The following HOXD13 variants were observed in gnomAD, a reference collection of about 807,000 sequenced individuals.
HOXD13 encodes the protein homeobox protein Hox-D13.
Under a neutral mutation model 27.3 loss-of-function variants are expected in HOXD13, and 16 were observed. The observed-to-expected ratio is 0.59, with a 90% CI of 0.40 to 0.89. HOXD13 has a LOEUF of 0.89. Ranked by LOEUF, HOXD13 falls within the 40% of genes least tolerant of loss-of-function variation. HOXD13 has a pLI of 0.00. For missense variants in HOXD13, 481 were observed against 482.6 expected (o/e 1.00, Z 0.03); for synonymous variants, 241 against 219.0 (o/e 1.10, Z -0.89).
At chr2:176,090,043 C>T (rs1399951957), upstream of HOXD13, among the ~76,000 whole-genome samples, 1 of 152,208 alleles carries the variant, frequency 6.6e-6, no homozygotes, top group Non-Finnish European at 1.5e-5. Context: ...ACCTGGCATC[C>T]CTGGCTTGTA....
the HOXD13 span, among the ~76,000 whole-genome samples, chr2:176,087,575 A>G: frequency 1.3e-5 from 2 of 152,184 alleles, no homozygotes; most frequent in Non-Finnish European, 2.9e-5. Context: ...TTTTTGATGA[A>G]ATACCCAAAC....
chr2:176,090,644 G>C (rs1481730351), upstream of HOXD13, among the ~76,000 whole-genome samples: 1 of 152,292 alleles, frequency 6.6e-6, no homozygotes, highest in East Asian at 1.9e-4. Flanking sequence ...CTGAAAGTTT[G>C]TTGGTTCTAC....
At chr2:176,093,704 G>A (rs1157103045) in intron 1 of HOXD13, 33 bp downstream of exon 1, 2 of 1,393,244 alleles carry the variant, frequency 1.4e-6, no homozygotes, top group Non-Finnish European at 2.0e-6. Flanking sequence ...ACCGACACGA[G>A]GGAGGGGGAG....
chr2:176,095,160 A>G lies in HOXD13; in HGVS notation c.*430A>G, dbSNP rs1303322561. 7.3e-6 allele frequency: 2 copies of G among 275,554 alleles called. No homozygotes were observed. Among genetic ancestry groups the G allele is most frequent in the African/African-American group, 4.4e-5 (2 of 45,558 alleles). The allele number at this position is 275,554 out of a possible 1,614,324, so 17.1% of individuals were successfully genotyped here. On this transcript the variant is annotated 3_prime_UTR_variant, in exon 2 of 2. Transcript: ENST00000392539. ...AATCCATTAGGACAGAATGGTTTTC[A>G]GTCGTTCATATCCTGTAATTAGGTA...
intron 1 of HOXD13, among the ~76,000 whole-genome samples, chr2:176,094,013 T>C (rs1455246148): frequency 1.3e-5 from 2 of 152,176 alleles, no homozygotes; most frequent in East Asian, 1.9e-4. Context: ...GTCCCCCCAT[T>C]TTCAAAGACA....
chr2:176,091,495 A>C (rs1183777765), upstream of HOXD13, among the ~76,000 whole-genome samples: 4 of 152,104 alleles, frequency 2.6e-5, no homozygotes, highest in East Asian at 7.7e-4. Context: ...GAGGCTGAGG[A>C]GCAACAGAAA....
At chr2:176,090,323 A>T (rs1243512809), upstream of HOXD13, among the ~76,000 whole-genome samples, 1 of 152,262 alleles carries the variant, frequency 6.6e-6, no homozygotes, top group African/African-American at 2.4e-5. Context: ...TAGGATGGAC[A>T]GAGAAAACTT....
At position 176,093,094 on chromosome 2, in the gene HOXD13, G is replaced by GGCGGCA. The variant is rs775525473; in HGVS notation, c.207_212dup (p.Ala70_Ala71dup). On this transcript the variant is annotated inframe_insertion, in exon 1 of 2. Coordinates refer to ENST00000392539, the MANE Select transcript of HOXD13 (RefSeq NM_000523.4). Reference sequence around the variant, plus strand: ...CGGCAGCGGCGGCTGCGGCGGCGGCGGCGGCAGCCTCCGGCTTTGCGTACC... The same window carrying GGCGGCA: ...CGGCAGCGGCGGCTGCGGCGGCGGCGGCGGCAGCGGCAGCCTCCGGCTTTGCGTACC... The GGCGGCA allele has an allele frequency of 1.2e-4, 178 of 1,426,172 alleles. No individual in the cohort carries two copies. The Middle Eastern group carries it at 1.6e-3, about 12-fold the overall frequency. The allele number at this position is 1,426,172 out of a possible 1,614,324, so 88.3% of individuals were successfully genotyped here.
chr2:176,091,000 C>T (rs1689310852), upstream of HOXD13, among the ~76,000 whole-genome samples: 1 of 152,328 alleles, frequency 6.6e-6, no homozygotes, highest in East Asian at 1.9e-4. Context: ...AGGCCCCTCC[C>T]ATCTCAAATT....
In HOXD13 at chr2:176,095,756, A is replaced by G. The variant is rs1317708046; in HGVS notation, c.*1026A>G. 4.5e-6 allele frequency: 1 copy of G among 221,954 alleles called. No homozygotes were observed. Among genetic ancestry groups the G allele is most frequent in the African/African-American group, 2.2e-5 (1 of 44,708 alleles). 13.7% of individuals were successfully genotyped at this position (221,954 alleles called of 1,614,324 possible). ...GAAGTTCCAAGGTCCAAGAAGAAAA[A>G]TAATGATGTTTCTGAAAGTGATGAT... On this transcript the variant is annotated 3_prime_UTR_variant, in exon 2 of 2. Coordinates refer to ENST00000392539, the MANE Select transcript of HOXD13 (RefSeq NM_000523.4).
chr2:176,088,939 A>G (rs979614681), upstream of HOXD13, among the ~76,000 whole-genome samples: 1 of 152,136 alleles, frequency 6.6e-6, no homozygotes, highest in Non-Finnish European at 1.5e-5. Flanking sequence ...ACTGTGTTTA[A>G]TTTTTTCCAA....
upstream of HOXD13, among the ~76,000 whole-genome samples, chr2:176,089,193 G>A (rs555036809): frequency 1.3e-5 from 2 of 151,686 alleles, no homozygotes; most frequent in African/African-American, 4.9e-5. Flanking sequence ...TTCACAATAG[G>A]TTTGGTTTGT....
upstream of HOXD13, among the ~76,000 whole-genome samples, chr2:176,088,253 A>T (rs553526094): frequency 1.3e-5 from 2 of 152,358 alleles, no homozygotes; most frequent in South Asian, 4.1e-4. Context: ...GAAGACTCAG[A>T]TTTCGAGCCC....
chr2:176,092,650 C>T (rs1210995678), upstream of HOXD13, among the ~76,000 whole-genome samples: 1 of 152,052 alleles, frequency 6.6e-6, no homozygotes, highest in Non-Finnish European at 1.5e-5. Flanking sequence ...CGGGAGGCGG[C>T]CCCCCGACCG....
chr2:176,094,816 TC>T lies in HOXD13; in HGVS notation c.*92del. On this transcript the variant is annotated 3_prime_UTR_variant, in exon 2 of 2. Transcript: ENST00000392539. Reference sequence around the variant, plus strand: ...GGAAAGACTTGAATATGTATTTAATTCCCCCCACCCCCTGCCAATGGTGGCA... The same window carrying T: ...GGAAAGACTTGAATATGTATTTAATTCCCCCACCCCCTGCCAATGGTGGCA... 3 of 1,222,698 alleles carry T rather than the reference TC, an allele frequency of 2.5e-6. No individual in the cohort carries two copies. The highest frequency in any genetic ancestry group is 3.6e-6 in the Non-Finnish European group (3 of 827,566). The allele number at this position is 1,222,698 out of a possible 1,614,324, so 75.7% of individuals were successfully genotyped here.
upstream of HOXD13, among the ~76,000 whole-genome samples, chr2:176,090,325 A>G (rs1689300823): frequency 6.6e-6 from 1 of 152,260 alleles, no homozygotes; most frequent in South Asian, 2.1e-4. Context: ...GGATGGACAG[A>G]GAAAACTTTT....
In HOXD13 at chr2:176,092,822, G is replaced by A. The variant is rs1208243964; in HGVS notation, c.-69G>A. ...AACCAGAGAGAAAGGAGAGGAGGGA[G>A]GAGGCGCGCCGCGCCATGGTGTCCT... On this transcript the variant is annotated 5_prime_UTR_variant, in exon 1 of 2. Transcript: ENST00000392539. The A allele has an allele frequency of 4.0e-6, 4 of 1,011,596 alleles. No homozygotes were observed. The highest frequency in any genetic ancestry group is 5.0e-6 in the Non-Finnish European group (4 of 794,492). 62.7% of individuals were successfully genotyped at this position (1,011,596 alleles called of 1,614,324 possible). A position where few individuals can be genotyped will look rare whatever the true frequency, so the allele number is the denominator to read the frequency against.
rs1244638338 is a variant in HOXD13 at position 176,095,570 on chromosome 2, A to T, written c.*840A>T. On this transcript the variant is annotated 3_prime_UTR_variant, in exon 2 of 2. Coordinates refer to ENST00000392539, the MANE Select transcript of HOXD13 (RefSeq NM_000523.4). ...ACCTCCTTTTCTTGGCCTTGGATCT[A>T]TGGGTCTGGGATTGTGGTCATCTCC... 1.8e-5 allele frequency: 4 copies of T among 228,392 alleles called. No individual in the cohort carries two copies. The highest frequency in any genetic ancestry group is 3.5e-5 in the Non-Finnish European group (4 of 114,964). The allele number at this position is 228,392 out of a possible 1,614,324, so 14.1% of individuals were successfully genotyped here.
At position 176,093,574 on chromosome 2, in the gene HOXD13, G is replaced by A; in HGVS notation, c.684G>A (p.Gly228=). Residue 228 remains glycine, a synonymous_variant, in exon 1 of 2, where the codon GGG becomes GGA. Coordinates refer to ENST00000392539, the MANE Select transcript of HOXD13 (RefSeq NM_000523.4). The part of the protein sequence containing the change: ...PRHEAYISME[G]YQSWTLANGW... ...ACGAGGCCTACATCTCCATGGAGGGGTACCAGTCCTGGACGCTGGCTAACG... is the reference window on the plus strand; with the variant it reads ...ACGAGGCCTACATCTCCATGGAGGGATACCAGTCCTGGACGCTGGCTAACG... 6.2e-7 allele frequency: 1 copy of A among 1,613,850 alleles called. No individual in the cohort carries two copies. Among genetic ancestry groups the A allele is most frequent in the Non-Finnish European group, 8.5e-7 (1 of 1,179,958 alleles).
Sources: allele counts gnomAD v4.1 joint callset (sites outside exome capture counted in the v4.1 genomes callset), GRCh38; gene constraint gnomAD v4.1.1; transcripts MANE v1.5; gene names NCBI Gene and HGNC (gene_info 2026-07-23, HGNC 2026-07-21).